Variants in RBFOX1 observed in about 807,000 individuals in gnomAD.
RBFOX1 encodes the protein RNA binding protein fox-1 homolog 1.
RBFOX1 carries 8 observed loss-of-function variants against 57.7 expected under a neutral mutation model. That is an observed-to-expected ratio of 0.14 (90% CI 0.08 to 0.25). The LOEUF (loss-of-function observed/expected upper bound fraction) is 0.25. Ranked by LOEUF, RBFOX1 falls within the 10% of genes least tolerant of loss-of-function variation. The probability of loss-of-function intolerance (pLI) is 1.00; values close to 1 mark genes in which losing one functional copy is unlikely to be tolerated. For missense variants in RBFOX1, 611 were observed against 548.5 expected, an observed-to-expected ratio of 1.11 and a Z score of -1.14; for synonymous variants, 326 against 222.4, an observed-to-expected ratio of 1.47 and a Z score of -4.15.
At chr16:7,213,621 T>C (rs1457405051) in intron 4 of RBFOX1, among the ~76,000 whole-genome samples, 6 of 152,062 alleles carry the variant, frequency 3.9e-5, no homozygotes, top group Non-Finnish European at 5.9e-5. Context: ...GCTTACCGTG[T>C]GCCTGGAACT....
In RBFOX1 at chr16:6,176,502, TCTC is replaced by T. The variant is rs796141759; in HGVS notation, c.-126-140492_-126-140490del. On this transcript the variant is annotated intron_variant, in intron 1 of 15. Transcript: ENST00000550418. Reference sequence around the variant, plus strand: ...GTTAAAGTTGCTGTGCCTCCTTTCTTCTCATTGTAAGAGGAGGCAATCAGGGTA... The same window carrying T: ...GTTAAAGTTGCTGTGCCTCCTTTCTTATTGTAAGAGGAGGCAATCAGGGTA... 1.2e-4 allele frequency among the ~76,000 whole-genome samples: 18 copies of T among 151,888 alleles called. 1 individual carries two copies. Among genetic ancestry groups the T allele is most frequent in the African/African-American group, 4.3e-4 (18 of 41,396 alleles).
chr16:6,764,494 C>A (rs1315314797), intron 3 of RBFOX1, among the ~76,000 whole-genome samples: 2 of 152,148 alleles, frequency 1.3e-5, no homozygotes, highest in African/African-American at 4.8e-5. Flanking sequence ...TTCATTCATC[C>A]CACGGATGCT....
chr16:6,518,567 G>A (rs2096429736), intron 2 of RBFOX1, among the ~76,000 whole-genome samples: 1 of 152,156 alleles, frequency 6.6e-6, no homozygotes, highest in South Asian at 2.1e-4. Flanking sequence ...CTCCTGTGCT[G>A]GGAAAACATC....
intron 3 of RBFOX1, among the ~76,000 whole-genome samples, chr16:6,767,751 T>G (rs1229157087): frequency 6.6e-6 from 1 of 151,376 alleles, no homozygotes; most frequent in Non-Finnish European, 1.5e-5. Flanking sequence ...CCATCTCTAC[T>G]AAAAATACAA....
At chr16:5,596,500 A>G (rs1193774409) in intron 2 of RBFOX1, among the ~76,000 whole-genome samples, 2 of 152,148 alleles carry the variant, frequency 1.3e-5, no homozygotes, top group African/African-American at 4.8e-5. Context: ...TGCCTGGGGC[A>G]GGAGTGTGTC....
At chr16:6,162,032 C>T (rs2096883194) in intron 1 of RBFOX1, among the ~76,000 whole-genome samples, 1 of 152,186 alleles carries the variant, frequency 6.6e-6, no homozygotes, top group South Asian at 2.1e-4. Flanking sequence ...GCATTAGCTG[C>T]AAAAGCATTA....
At chr16:6,504,438 G>T (rs542083059) in intron 2 of RBFOX1, among the ~76,000 whole-genome samples, 1 of 152,312 alleles carries the variant, frequency 6.6e-6, no homozygotes, top group African/African-American at 2.4e-5. Flanking sequence ...TTGGTTTATG[G>T]ATGCACAGAG....
At position 7,461,270 on chromosome 16, in the gene RBFOX1, C is replaced by G. The variant is rs1332648907; in HGVS notation, c.28-56877C>G. 2.0e-5 allele frequency among the ~76,000 whole-genome samples: 3 copies of G among 151,862 alleles called. No homozygotes were observed. In the East Asian group the frequency reaches 5.8e-4, roughly 29 times the overall value. ...GCAACCTCCACCTCCCAGGTTCAAG[C>G]GATTCTCCTGCCTCAGCCTCCCAAG... On this transcript the variant is annotated intron_variant, in intron 4 of 15. Transcript: ENST00000550418.
intron 10 of RBFOX1, among the ~76,000 whole-genome samples, chr16:7,619,430 C>T (rs917647159): frequency 6.6e-6 from 1 of 152,126 alleles, no homozygotes; most frequent in Non-Finnish European, 1.5e-5. Context: ...CATCCAATCA[C>T]TCTTTGAGAG....
intron 3 of RBFOX1, 77 bp from the exon 4 acceptor site, chr16:7,051,980 G>C: frequency 6.4e-7 from 1 of 1,559,830 alleles, no homozygotes; most frequent in Non-Finnish European, 8.7e-7. Context: ...GTAATTAAAA[G>C]TAACTTTCTG....
intron 1 of RBFOX1, among the ~76,000 whole-genome samples, chr16:5,384,538 A>G (rs943985893): frequency 2.0e-5 from 3 of 152,222 alleles, no homozygotes; most frequent in Non-Finnish European, 2.9e-5. Context: ...CAGAGGGACA[A>G]TCAAGGTAGA....
chr16:5,673,143 C>T (rs887630941), intron 3 of RBFOX1, among the ~76,000 whole-genome samples: 2 of 151,910 alleles, frequency 1.3e-5, no homozygotes, highest in Non-Finnish European at 2.9e-5. Flanking sequence ...CACACACAAG[C>T]CTTATAATTT....
At chr16:5,438,241 C>T (rs564610091) in intron 1 of RBFOX1, among the ~76,000 whole-genome samples, 3 of 152,338 alleles carry the variant, frequency 2.0e-5, no homozygotes, top group Admixed American at 6.5e-5. Flanking sequence ...TGATCACCCT[C>T]ACTCCCATCC....
chr16:5,757,246 T>G (rs1475195767), intron 3 of RBFOX1, among the ~76,000 whole-genome samples: 2 of 150,268 alleles, frequency 1.3e-5, no homozygotes, highest in Non-Finnish European at 3.0e-5. Context: ...TTTTTTTTTT[T>G]TTTGGAGATG....
chr16:6,871,464 G>C (rs913925983), intron 3 of RBFOX1, among the ~76,000 whole-genome samples: 1 of 152,072 alleles, frequency 6.6e-6, no homozygotes, highest in Non-Finnish European at 1.5e-5. Flanking sequence ...GGGATTACAG[G>C]TGTGAGCCAC....
At chr16:5,812,471 T>C (rs1275314734) in intron 3 of RBFOX1, among the ~76,000 whole-genome samples, 1 of 151,676 alleles carries the variant, frequency 6.6e-6, no homozygotes, top group East Asian at 1.9e-4. Flanking sequence ...TTTTTTTTTT[T>C]TTTCAGAGTT....
At chr16:6,543,464 T>C (rs2096852613) in intron 2 of RBFOX1, among the ~76,000 whole-genome samples, 1 of 152,196 alleles carries the variant, frequency 6.6e-6, no homozygotes, top group South Asian at 2.1e-4. Context: ...TTCTTGACTC[T>C]GACATGTGGC....
Position 6,937,846 on chromosome 16 carries a change from T to G in RBFOX1, c.-15-114211T>G, listed in dbSNP as rs115184099. Among the ~76,000 whole-genome samples, 1,479 of 152,044 alleles carry G rather than the reference T, an allele frequency of 9.7e-3. 17 individuals carry two copies. Among genetic ancestry groups the G allele is most frequent in the African/African-American group, 0.034 (1,397 of 41,470 alleles). ...TTTTCAGACTTAAGGTCTGTGTTGA[T>G]GAAATGCTGGCTGGCTTTTCCTGAA... On this transcript the variant is annotated intron_variant, in intron 3 of 15. Transcript: ENST00000550418.
At chr16:7,566,429 G>A (rs1448787372) in intron 5 of RBFOX1, among the ~76,000 whole-genome samples, 1 of 152,136 alleles carries the variant, frequency 6.6e-6, no homozygotes, top group East Asian at 1.9e-4. Flanking sequence ...ACTTTCCAGA[G>A]CATTTTCACC....
Sources: allele counts gnomAD v4.1 joint callset (sites outside exome capture counted in the v4.1 genomes callset), GRCh38; gene constraint gnomAD v4.1.1; transcripts MANE v1.5; gene names NCBI Gene and HGNC (gene_info 2026-07-23, HGNC 2026-07-21).